GPATCH1: variants seen among roughly 807,000 people sequenced by gnomAD.
GPATCH1 encodes the protein G patch domain-containing protein 1.
GPATCH1 carries 73 observed loss-of-function variants against 114.9 expected under a neutral mutation model. The ratio of observed to expected loss-of-function variants is 0.64; its 90% CI spans 0.53 to 0.77. GPATCH1 has a LOEUF of 0.77. Among genes scored for constraint, GPATCH1 ranks in the 30% least tolerant of loss-of-function variants. The pLI, the probability that GPATCH1 is intolerant of heterozygous loss-of-function variation, is 0.00. For synonymous variants in GPATCH1, 391 were observed against 428.4 expected, an observed-to-expected ratio of 0.91 and a Z score of 1.08; for missense variants, 1,058 against 1,144.3, an observed-to-expected ratio of 0.92 and a Z score of 1.09.
intron 11 of GPATCH1, among the ~76,000 whole-genome samples, 198 bp from the exon 12 acceptor site, chr19:33,111,525 TA>T (rs1972853721): frequency 6.6e-6 from 1 of 151,868 alleles, no homozygotes; most frequent in Non-Finnish European, 1.5e-5. Flanking sequence ...GCGCCTGGCC[TA>T]AATTTTTTTT....
intron 9 of GPATCH1, among the ~76,000 whole-genome samples, chr19:33,102,543 T>C (rs1972739198): frequency 6.6e-6 from 1 of 150,584 alleles, no homozygotes; most frequent in African/African-American, 2.4e-5. Flanking sequence ...ATTACAGGCG[T>C]GCACCACCAC....
intron 15 of GPATCH1, among the ~76,000 whole-genome samples, chr19:33,116,861 C>T (rs966424492): frequency 2.6e-5 from 4 of 151,856 alleles, no homozygotes; most frequent in Non-Finnish European, 4.4e-5. Context: ...CTACTTCCTC[C>T]GGGGTTTCGT....
At chr19:33,094,580 G>A (rs758492005) in intron 5 of GPATCH1, among the ~76,000 whole-genome samples, 1 of 152,178 alleles carries the variant, frequency 6.6e-6, no homozygotes, top group Admixed American at 6.6e-5. Flanking sequence ...GGGCCCAGTG[G>A]TATGTGTGTC....
At chr19:33,090,983 C>A in intron 3 of GPATCH1, 118 bp downstream of exon 3, 1 of 670,068 alleles carries the variant, frequency 1.5e-6, no homozygotes, top group South Asian at 1.7e-5. Context: ...GTTTGTAAGG[C>A]TTTATCTTTT....
At chr19:33,102,542 G>A (rs915045899) in intron 9 of GPATCH1, among the ~76,000 whole-genome samples, 2 of 150,822 alleles carry the variant, frequency 1.3e-5, no homozygotes, top group Non-Finnish European at 2.9e-5. Context: ...GATTACAGGC[G>A]TGCACCACCA....
At chr19:33,106,549 C>T in intron 9 of GPATCH1, 146 bp from the exon 10 acceptor site, 1 of 648,376 alleles carries the variant, frequency 1.5e-6, no homozygotes, top group East Asian at 2.7e-5. Flanking sequence ...GGACCTCTGG[C>T]CAGCCTGTTC....
At chr19:33,121,344 A>T (rs927441935) in intron 17 of GPATCH1, among the ~76,000 whole-genome samples, 2 of 103,044 alleles carry the variant, frequency 1.9e-5, no homozygotes, top group African/African-American at 4.1e-5. Flanking sequence ...TTTGAGATGG[A>T]GTTTTGCTCT....
intron 8 of GPATCH1, among the ~76,000 whole-genome samples, chr19:33,098,785 C>T (rs1418716760): frequency 3.9e-5 from 6 of 152,144 alleles, no homozygotes; most frequent in Non-Finnish European, 2.9e-5. Context: ...TGTCACTTGA[C>T]TGGGATGGTA....
intron 1 of GPATCH1, among the ~76,000 whole-genome samples, chr19:33,087,895 G>C (rs1411142558): frequency 6.6e-6 from 1 of 151,470 alleles, no homozygotes; most frequent in Non-Finnish European, 1.5e-5. Context: ...ATGTTGACCA[G>C]GTTTTGTAAT....
chr19:33,094,760 TGTAA>T (rs1214570217), intron 5 of GPATCH1, among the ~76,000 whole-genome samples: 3 of 152,200 alleles, frequency 2.0e-5, no homozygotes, highest in African/African-American at 7.2e-5. Flanking sequence ...CCAGCCAGAC[TGTAA>T]GTGACTCTTT....
chr19:33,101,229 A>T (rs1236634723), intron 8 of GPATCH1, among the ~76,000 whole-genome samples: 1 of 152,168 alleles, frequency 6.6e-6, no homozygotes, highest in African/African-American at 2.4e-5. Flanking sequence ...AATCACGTCA[A>T]TATGCTTGTC....
chr19:33,098,038 G>T, intron 8 of GPATCH1, 136 bp downstream of exon 8: 1 of 855,442 alleles, frequency 1.2e-6, no homozygotes. Context: ...AAAGAAGCGA[G>T]GCCCAGCATG....
rs771300165 is a variant in GPATCH1 at position 33,125,218 on chromosome 19, G to T, written c.2619+16G>T. The T allele has an allele frequency of 1.3e-6, 2 of 1,581,012 alleles. No individual in the cohort carries two copies. Among genetic ancestry groups the T allele is most frequent in the Non-Finnish European group, 1.7e-6 (2 of 1,164,072 alleles). On this transcript the variant is annotated intron_variant, in intron 18 of 19. Coordinates refer to ENST00000170564, the MANE Select transcript of GPATCH1 (RefSeq NM_018025.3). The stretch of plus-strand genomic sequence containing the variant: ...GAAAGAGAAGGTGAGAGACTTGTGT[G>T]TACCCCAGGATCAGTGTGGGGTGGG...
chr19:33,096,430 T>C lies in GPATCH1; in HGVS notation c.836T>C (p.Leu279Ser). 1.2e-6 allele frequency: 2 copies of C among 1,610,774 alleles called. No individual in the cohort carries two copies. Among genetic ancestry groups the C allele is most frequent in the South Asian group, 1.1e-5 (1 of 90,046 alleles). Reference sequence around the variant, plus strand: ...ATTGGACTGAATAAAGGAAGAAAATTGGGAATTTCAGGCCAGGTAAAATTA... The same window carrying C: ...ATTGGACTGAATAAAGGAAGAAAATCGGGAATTTCAGGCCAGGTAAAATTA... ...GEIGLNKGRK[L>S]GISGQAFGVG... The change falls in exon 7 of 20, where the codon TTG (leucine) becomes TCG (serine). Residue 279 changes from leucine (L) to serine (S), a missense_variant. Leu to Ser is a moderately radical substitution (Grantham distance 145, BLOSUM62 -2). This residue lies in a region of GPATCH1 where 893 missense variants were observed against 977.4 expected (regional missense o/e 0.91). Transcript: ENST00000170564.
chr19:33,097,672 AC>A (rs1972677602), intron 7 of GPATCH1, 82 bp from the exon 8 acceptor site: 1 of 1,266,712 alleles, frequency 7.9e-7, no homozygotes, highest in Admixed American at 1.9e-5. Context: ...GTTTCCAATC[AC>A]ATCCTTAAAG....
Position 33,119,062 on chromosome 19 carries a change from G to T in GPATCH1, c.2466G>T (p.Met822Ile), listed in dbSNP as rs754799299. The change falls in exon 17 of 20, where the codon ATG becomes ATT. Residue 822 changes from methionine to isoleucine, a missense_variant. Physicochemically the swap from Met to Ile is conservative, Grantham distance 10. Transcript: ENST00000170564. ...EPPPSFPIQK[M>I]QIDEREEFGP... is the part of the protein sequence containing the mutation. ...CACCTTCCTTCCCGATACAAAAGAT[G>T]CAGATAGATGAAAGAGAAGAGTTCG... 1.9e-6 allele frequency: 3 copies of T among 1,613,520 alleles called. No homozygotes were observed. The highest frequency in any genetic ancestry group is 3.3e-5 in the Admixed American group (2 of 59,892).
rs143178502 is a variant in GPATCH1 at position 33,092,428 on chromosome 19, G to T, written c.295-931G>T. Among the ~76,000 whole-genome samples, 204 of 152,230 alleles carry T rather than the reference G, an allele frequency of 1.3e-3. 1 individual carries two copies. Among genetic ancestry groups the T allele is most frequent in the African/African-American group, 4.9e-3 (202 of 41,552 alleles). ...TTCTCTACATTTGCTTGCACAAATT[G>T]TTTTACATGCCCATTCCTAACGCAG... On this transcript the variant is annotated intron_variant, in intron 3 of 19. Transcript: ENST00000170564.
chr19:33,088,804 C>T (rs7256397), intron 2 of GPATCH1, among the ~76,000 whole-genome samples: 63,078 of 151,700 alleles, frequency 0.42, 16,559 homozygotes, highest in African/African-American at 0.73. Flanking sequence ...TTACAGGCGC[C>T]TGCCACCATG....
chr19:33,095,109 G>T (rs1303377270), intron 5 of GPATCH1, among the ~76,000 whole-genome samples: 4 of 152,124 alleles, frequency 2.6e-5, no homozygotes, highest in Admixed American at 6.6e-5. Context: ...TGAGGCTACA[G>T]TGAGCTATGA....
Sources: allele counts gnomAD v4.1 joint callset (sites outside exome capture counted in the v4.1 genomes callset), GRCh38; gene constraint gnomAD v4.1.1; regional missense constraint gnomAD v4.1.1; transcripts MANE v1.5; gene names NCBI Gene and HGNC (gene_info 2026-07-23, HGNC 2026-07-21).